SYNE1: variants seen among roughly 807,000 people sequenced by gnomAD.
The protein encoded by SYNE1 is nesprin-1.
SYNE1 carries 616 observed loss-of-function variants against 1,111.0 expected under a neutral mutation model. That is an observed-to-expected ratio of 0.55 (90% confidence interval 0.52 to 0.59). The LOEUF (loss-of-function observed/expected upper bound fraction) is 0.59, where lower values mean the gene tolerates loss of function less well. SYNE1 is among the 20% of genes least tolerant of loss of function. The pLI, the probability that SYNE1 is intolerant of heterozygous loss-of-function variation, is 0.00. For missense variants in SYNE1, 10,006 were observed against 10,417.0 expected, an observed-to-expected ratio of 0.96 and a Z score of 1.72; for synonymous variants, 3,855 against 3,825.8, an observed-to-expected ratio of 1.01 and a Z score of -0.28.
In SYNE1 at chr6:152,466,017, T is replaced by C. The variant is rs1554757541; in HGVS notation, c.1694A>G (p.Gln565Arg). 6.2e-7 allele frequency: 1 copy of C among 1,613,182 alleles called. No homozygotes were observed. The highest frequency in any genetic ancestry group is 8.5e-7 in the Non-Finnish European group (1 of 1,179,346). ...TGCTTTGACATACATCTCAGCTGTC[T>C]GTTTCAAGATCTGGTATGTCACCTC... ...QYEVTYQILK[Q>R]TAEMYVKADG... Residue 565 changes from glutamine to arginine, a missense_variant, in exon 17 of 146, where the codon CAG (glutamine) becomes CGG (arginine). Coordinates refer to ENST00000367255, the MANE Select transcript of SYNE1 (RefSeq NM_182961.4).
rs954002313 is a variant in SYNE1, at chr6:152,176,265, G to A, written c.23627+129C>T. Reference sequence around the variant, plus strand: ...GCCACTTATGAGAGGAGCATGAACAGTTTTGAAAATGGTGAGATAACCCAG... The same window carrying A: ...GCCACTTATGAGAGGAGCATGAACAATTTTGAAAATGGTGAGATAACCCAG... On this transcript the variant is annotated intron_variant, in intron 130 of 145. Coordinates refer to ENST00000367255, the MANE Select transcript of SYNE1 (RefSeq NM_182961.4). 43 of 1,323,612 alleles carry A rather than the reference G, an allele frequency of 3.2e-5. No homozygotes were observed. The African/African-American group carries it at 4.3e-4, about 13-fold the overall frequency. 82.0% of individuals were successfully genotyped at this position (1,323,612 alleles called of 1,614,324 possible).
Position 152,342,555 on chromosome 6 carries a change from G to C in SYNE1, c.12225+1526C>G, listed in dbSNP as rs780967942. ...AGCCTTTAGAAAGTATACTTCGGGGGACAAATTAACTAGACACATTCTTTA... is the reference window on the plus strand; with the variant it reads ...AGCCTTTAGAAAGTATACTTCGGGGCACAAATTAACTAGACACATTCTTTA... On this transcript the variant is annotated intron_variant, in intron 74 of 145. Coordinates refer to ENST00000367255, the MANE Select transcript of SYNE1 (RefSeq NM_182961.4). Among the ~76,000 whole-genome samples, 112 of 152,116 alleles carry C rather than the reference G, an allele frequency of 7.4e-4. 1 individual carries two copies. The highest frequency in any genetic ancestry group is 4.4e-4 in the Non-Finnish European group (30 of 68,024).
chr6:152,254,576 G>GTTTA (rs1248322691), intron 104 of SYNE1, among the ~76,000 whole-genome samples: 1 of 151,970 alleles, frequency 6.6e-6, no homozygotes, highest in African/African-American at 2.4e-5. Context: ...TTCGCAATGT[G>GTTTA]TTTAAACTCC....
chr6:152,625,899 T>A (rs372208450), intron 3 of SYNE1, among the ~76,000 whole-genome samples: 9 of 152,294 alleles, frequency 5.9e-5, no homozygotes, highest in Admixed American at 2.0e-4. Flanking sequence ...GTAAATTATC[T>A]CATTGAGCTT....
At chr6:152,130,639 A>G in intron 145 of SYNE1, 81 bp downstream of exon 145, 3 of 1,454,002 alleles carry the variant, frequency 2.1e-6, no homozygotes, top group Non-Finnish European at 2.9e-6. Context: ...CAGACCAGAT[A>G]TAGGTCAACC....
chr6:152,122,760 C>G, intron 145 of SYNE1, 84 bp from the exon 146 acceptor site: 1 of 1,598,904 alleles, frequency 6.3e-7, no homozygotes, highest in South Asian at 1.1e-5. Context: ...TTCCTGGAAG[C>G]TAAAGGGCCA....
intron 129 of SYNE1, among the ~76,000 whole-genome samples, chr6:152,178,063 T>C (rs1298192719): frequency 6.6e-6 from 1 of 152,162 alleles, no homozygotes; most frequent in Non-Finnish European, 1.5e-5. Flanking sequence ...CCATGAGTTA[T>C]TAATATACGA....
chr6:152,489,294 C>T (rs1237232254), intron 11 of SYNE1, among the ~76,000 whole-genome samples: 1 of 152,122 alleles, frequency 6.6e-6, no homozygotes, highest in Non-Finnish European at 1.5e-5. Flanking sequence ...AAATGCAACT[C>T]CAGCATCTCA....
At position 152,458,942 on chromosome 6, in the gene SYNE1, T is replaced by G; in HGVS notation, c.2395-12A>C. On this transcript the variant is annotated splice_polypyrimidine_tract_variant and intron_variant, in intron 21 of 145. Coordinates refer to ENST00000367255, the MANE Select transcript of SYNE1 (RefSeq NM_182961.4). ...TAACATTCTTTGACCTTTAAAAACA[T>G]AAAGACAAAAATTCCATGAAAGACC... 1 of 1,613,662 alleles carries G rather than the reference T, an allele frequency of 6.2e-7. No individual in the cohort carries two copies. Among genetic ancestry groups the G allele is most frequent in the South Asian group, 1.1e-5 (1 of 91,054 alleles).
At chr6:152,164,059 C>T in intron 131 of SYNE1, 104 bp downstream of exon 131, 1 of 1,501,192 alleles carries the variant, frequency 6.7e-7, no homozygotes, top group Admixed American at 1.7e-5. Flanking sequence ...TAGCTCCCTG[C>T]TGACCTTCCA....
chr6:152,406,016 C>A (rs2097894071), intron 45 of SYNE1, among the ~76,000 whole-genome samples: 1 of 151,828 alleles, frequency 6.6e-6, no homozygotes, highest in Non-Finnish European at 1.5e-5. Flanking sequence ...ATAAATAATG[C>A]AAATCCCACG....
At chr6:152,219,989 C>T (rs779758420) in intron 119 of SYNE1, among the ~76,000 whole-genome samples, 3 of 152,186 alleles carry the variant, frequency 2.0e-5, no homozygotes, top group Non-Finnish European at 2.9e-5. Context: ...GCTCTTTACG[C>T]TTGACACAGA....
Position 152,352,590 on chromosome 6 carries a change from G to T in SYNE1, c.11254-237C>A, listed in dbSNP as rs61588503. ...GCTAATTTTTGTATTTTTTAGTAGA[G>T]ACAGGGTTTCACCATGTGGGTCAGG... On this transcript the variant is annotated intron_variant, in intron 69 of 145. Transcript: ENST00000367255. Among the ~76,000 whole-genome samples, 748 of 152,166 alleles carry T rather than the reference G, an allele frequency of 4.9e-3. 7 individuals are homozygous for T. The highest frequency in any genetic ancestry group is 0.017 in the African/African-American group (707 of 41,504).
intron 84 of SYNE1, chr6:152,319,788 A>C (rs1408237299): frequency 6.6e-6 from 1 of 152,230 alleles, no homozygotes; most frequent in Non-Finnish European, 1.5e-5. Context: ...AATGAAATAC[A>C]TATGAATAAG....
intron 5 of SYNE1, among the ~76,000 whole-genome samples, chr6:152,523,501 G>A (rs531156869): frequency 6.6e-6 from 1 of 151,976 alleles, no homozygotes; most frequent in Non-Finnish European, 1.5e-5. Flanking sequence ...GCCTCAAATT[G>A]TTCTTTCTGC....
chr6:152,135,213 T>C lies in SYNE1; in HGVS notation c.25679A>G (p.His8560Arg), dbSNP rs1164254591. Residue 8560 changes from histidine (H) to arginine (R), a missense_variant, in exon 142 of 146, where the codon CAT becomes CGT. Around this residue, in one of 7 missense-constraint regions of SYNE1, gnomAD observed 761 missense variants for 795.5 expected, o/e 0.96. Coordinates refer to ENST00000367255, the MANE Select transcript of SYNE1 (RefSeq NM_182961.4). The part of the protein sequence containing the change: ...MQCQGFHEMS[H>R]GLLLMLENID... ...GTTCTCCAGCATAAGAAGCAAACCA[T>C]GGCTCATTTCATGGAAACCCTACAG... 5 of 1,614,130 alleles carry C rather than the reference T, an allele frequency of 3.1e-6. No homozygotes were observed. Among genetic ancestry groups the C allele is most frequent in the African/African-American group, 1.3e-5 (1 of 75,052 alleles).
At chr6:152,140,184 G>A in intron 139 of SYNE1, 23 bp from the exon 140 acceptor site, 1 of 1,612,302 alleles carries the variant, frequency 6.2e-7, no homozygotes, top group Non-Finnish European at 8.5e-7. Context: ...GCATAGAACA[G>A]TGAGGTTATT....
chr6:152,509,227 C>T (rs1388256952), intron 8 of SYNE1, among the ~76,000 whole-genome samples: 2 of 149,000 alleles, frequency 1.3e-5, no homozygotes, highest in East Asian at 4.0e-4. Context: ...TTTGAGAGCA[C>T]TCTTTTTCTT....
At chr6:152,485,040 T>G (rs1593685101) in intron 12 of SYNE1, 68 bp from the exon 13 acceptor site, 1 of 1,525,688 alleles carries the variant, frequency 6.6e-7, no homozygotes, top group Non-Finnish European at 8.9e-7. Flanking sequence ...GAAAGCACAT[T>G]TCCTAAATAA....
Sources: allele counts gnomAD v4.1 joint callset (sites outside exome capture counted in the v4.1 genomes callset), GRCh38; gene constraint gnomAD v4.1.1; regional missense constraint gnomAD v4.1.1; transcripts MANE v1.5; gene names NCBI Gene and HGNC (gene_info 2026-07-23, HGNC 2026-07-21).